The following COL1A2 variants were observed in gnomAD, a reference collection of about 807,000 sequenced individuals.
The protein encoded by COL1A2 is collagen alpha-2(I) chain.
COL1A2 carries 49 observed loss-of-function variants against 174.3 expected under a neutral mutation model. The ratio of observed to expected loss-of-function variants is 0.28; its 90% CI spans 0.22 to 0.36. The LOEUF is 0.36. Ranked by LOEUF, COL1A2 falls within the 10% of genes least tolerant of loss-of-function variation. The probability of loss-of-function intolerance (pLI) is 1.00; values close to 1 mark genes in which losing one functional copy is unlikely to be tolerated. For missense variants in COL1A2, 1,438 were observed against 1,822.7 expected (o/e 0.79, Z 3.84); for synonymous variants, 655 against 606.6 (o/e 1.08, Z -1.17).
chr7:94,411,281 G>C, intron 23 of COL1A2, 127 bp downstream of exon 23: 1 of 785,934 alleles, frequency 1.3e-6, no homozygotes, highest in Non-Finnish European at 2.1e-6. Context: ...GCTGACAGTT[G>C]CATTTTTGAC....
Position 94,422,990 on chromosome 7 carries a change from G to T in COL1A2, c.2437G>T (p.Ala813Ser), listed in dbSNP as rs1266234334. 6.2e-7 allele frequency: 1 copy of T among 1,614,086 alleles called. No individual in the cohort carries two copies. Among genetic ancestry groups the T allele is most frequent in the Admixed American group, 1.7e-5 (1 of 60,014 alleles). ...TGGCCCTCCTGGTCCCCCTGGTCCT[G>T]CTGGGAAAGAAGGGCTTCGTGGTCC... ...ISGPPGPPGP[A>S]GKEGLRGPRG... Residue 813 changes from alanine (A) to serine (S), a missense_variant, in exon 40 of 52, where the codon GCT becomes TCT. Physicochemically the swap from Ala to Ser is moderately conservative, Grantham distance 99 (BLOSUM62 1). Around this residue, in one of 3 missense-constraint regions of COL1A2, gnomAD observed 867 missense variants for 1,213.7 expected, o/e 0.71. Coordinates refer to ENST00000297268, the MANE Select transcript of COL1A2 (RefSeq NM_000089.4).
At chr7:94,400,173 C>G in intron 4 of COL1A2, 23 bp from the exon 5 acceptor site, 1 of 1,611,544 alleles carries the variant, frequency 6.2e-7, no homozygotes, top group Non-Finnish European at 8.5e-7. Flanking sequence ...CTAACCTGAC[C>G]TTACTCACTT....
intron 30 of COL1A2, 56 bp downstream of exon 30, chr7:94,415,326 T>A: frequency 6.7e-7 from 1 of 1,492,688 alleles, no homozygotes; most frequent in Non-Finnish European, 9.4e-7. Flanking sequence ...TTAAAAGTAG[T>A]AGTGCTTTCT....
chr7:94,427,462 C>T lies in COL1A2; in HGVS notation c.3268-165C>T, dbSNP rs185358711. The T allele has an allele frequency of 5.8e-5, 61 of 1,056,124 alleles. 1 individual carries two copies. In the East Asian group the frequency reaches 1.4e-3, roughly 24 times the overall value. 65.4% of individuals were successfully genotyped at this position (1,056,124 alleles called of 1,614,324 possible). On this transcript the variant is annotated intron_variant, in intron 48 of 51. Coordinates refer to ENST00000297268, the MANE Select transcript of COL1A2 (RefSeq NM_000089.4). Reference sequence around the variant, plus strand: ...ATGCAATGGGCTTGTTAAGTCCATCCCTGCAAGTGTGCCTGGGGGCTCGTT... The same window carrying T: ...ATGCAATGGGCTTGTTAAGTCCATCTCTGCAAGTGTGCCTGGGGGCTCGTT...
intron 44 of COL1A2, 49 bp downstream of exon 44, chr7:94,425,906 A>G (rs772056993): frequency 1.9e-6 from 3 of 1,604,748 alleles, no homozygotes; most frequent in Non-Finnish European, 2.6e-6. Context: ...CGTGGGCTTC[A>G]CTTCTGACTT....
intron 6 of COL1A2, among the ~76,000 whole-genome samples, chr7:94,403,932 A>C (rs1791742131): frequency 6.6e-6 from 1 of 152,188 alleles, no homozygotes; most frequent in Non-Finnish European, 1.5e-5. Context: ...CATATTTTCA[A>C]CAATAATATC....
intron 5 of COL1A2, among the ~76,000 whole-genome samples, chr7:94,400,836 CAT>C (rs1390591435): frequency 6.6e-6 from 1 of 152,128 alleles, no homozygotes; most frequent in Non-Finnish European, 1.5e-5. Context: ...GGAAGGAAAA[CAT>C]ATTTGCTTAA....
At chr7:94,404,808 T>C in intron 8 of COL1A2, 31 bp from the exon 9 acceptor site, 1 of 1,614,160 alleles carries the variant, frequency 6.2e-7, no homozygotes, top group South Asian at 1.1e-5. Context: ...AATATAACCT[T>C]AGTGAAATGA....
At chr7:94,399,751 C>T (rs1791649983) in intron 4 of COL1A2, among the ~76,000 whole-genome samples, 1 of 152,102 alleles carries the variant, frequency 6.6e-6, no homozygotes, top group Non-Finnish European at 1.5e-5. Flanking sequence ...GATTTTCTCT[C>T]CTATGATAAA....
rs568955072 is a variant in COL1A2 at position 94,412,432 on chromosome 7, A to C, written c.1405-152A>C. ...ATGTGTGTACTGACATCCTAGTTAG[A>C]AAAGGAAAATGGATTCATAATTTAT... On this transcript the variant is annotated intron_variant, in intron 24 of 51. Coordinates refer to ENST00000297268, the MANE Select transcript of COL1A2 (RefSeq NM_000089.4). The C allele has an allele frequency of 4.3e-6, 3 of 696,454 alleles. No individual in the cohort carries two copies. The Admixed American group carries it at 7.1e-5, about 17-fold the overall frequency. The allele number at this position is 696,454 out of a possible 1,614,324, so 43.1% of individuals were successfully genotyped here.
chr7:94,418,237 G>T (rs1240825409), intron 32 of COL1A2, among the ~76,000 whole-genome samples: 1 of 152,130 alleles, frequency 6.6e-6, no homozygotes, highest in African/African-American at 2.4e-5. Context: ...TCTGTACCTT[G>T]CTTGATTATG....
In COL1A2 at chr7:94,409,808, C is replaced by T; in HGVS notation, c.1022C>T (p.Ala341Val). 6.2e-7 allele frequency: 1 copy of T among 1,614,082 alleles called. No homozygotes were observed. The highest frequency in any genetic ancestry group is 8.5e-7 in the Non-Finnish European group (1 of 1,180,030). The change falls in exon 19 of 52, where the codon GCC becomes GTC. Residue 341 changes from alanine (A) to valine (V), a missense_variant. Transcript: ENST00000297268. Reference sequence around the variant, plus strand: ...GTTGGTGCTGCCGGTGCTACTGGTGCCAGAGGACTTGTTGTAAGTGGTCAT... The same window carrying T: ...GTTGGTGCTGCCGGTGCTACTGGTGTCAGAGGACTTGTTGTAAGTGGTCAT... ...GPVGAAGATG[A>V]RGLVGEPGPA...
intron 6 of COL1A2, among the ~76,000 whole-genome samples, chr7:94,401,822 T>C (rs1230740332): frequency 6.6e-6 from 1 of 152,124 alleles, no homozygotes; most frequent in Non-Finnish European, 1.5e-5. Flanking sequence ...GATTAATTGA[T>C]CTTTTATGAT....
intron 5 of COL1A2, among the ~76,000 whole-genome samples, chr7:94,400,658 G>A (rs1045393489): frequency 2.6e-5 from 4 of 152,102 alleles, no homozygotes; most frequent in South Asian, 2.1e-4. Flanking sequence ...AACATCCTAC[G>A]CTTTTTATTC....
At chr7:94,423,373 C>T (rs954813647) in intron 40 of COL1A2, 4 of 487,614 alleles carry the variant, frequency 8.2e-6, no homozygotes, top group Admixed American at 3.3e-5. Flanking sequence ...ATTGAAGGCA[C>T]CTTACTGGTA....
At chr7:94,428,959 AC>A (rs1792342683) in intron 50 of COL1A2, among the ~76,000 whole-genome samples, 2 of 152,274 alleles carry the variant, frequency 1.3e-5, no homozygotes, top group African/African-American at 4.8e-5. Flanking sequence ...GAAACAGATA[AC>A]TTTTTTAGAT....
Position 94,426,525 on chromosome 7 carries a change from A to G in COL1A2, c.3100A>G (p.Ile1034Val), listed in dbSNP as rs746794922. The stretch of plus-strand genomic sequence containing the variant: ...CAATGGATTGCAAGGTCTGCCTGGT[A>G]TCGCTGTAAGTAAACTGTAGCCATC... ...GHNGLQGLPG[I>V]AGHHGDQGAP... The change falls in exon 46 of 52, where the codon ATC (isoleucine) becomes GTC (valine). Residue 1034 changes from isoleucine (I) to valine (V), a missense_variant. Around this residue, in one of 3 missense-constraint regions of COL1A2, gnomAD observed 867 missense variants for 1,213.7 expected, o/e 0.71. Transcript: ENST00000297268. The G allele has an allele frequency of 7.6e-5, 122 of 1,598,280 alleles. No homozygotes were observed. Among genetic ancestry groups the G allele is most frequent in the Admixed American group, 2.8e-4 (16 of 57,812 alleles).
At chr7:94,412,230 C>A in intron 24 of COL1A2, 109 bp downstream of exon 24, 1 of 916,892 alleles carries the variant, frequency 1.1e-6, no homozygotes, top group Non-Finnish European at 1.8e-6. Context: ...AAATATCAGA[C>A]ACATACATCA....
intron 42 of COL1A2, 151 bp from the exon 43 acceptor site, chr7:94,425,459 A>C: frequency 2.2e-6 from 2 of 896,536 alleles, no homozygotes; most frequent in Admixed American, 4.2e-5. Flanking sequence ...AAAAATATCT[A>C]GGTTGGCAGG....
Sources: gnomAD v4.1 joint callset for allele counts (sites outside exome capture counted in the v4.1 genomes callset) on GRCh38, gnomAD v4.1.1 for gene constraint, gnomAD v4.1.1 regional missense constraint, MANE v1.5 for transcripts, NCBI Gene and HGNC (gene_info 2026-07-23, HGNC 2026-07-21) for gene names.